NT5C2: variants seen among roughly 807,000 people sequenced by gnomAD.
The protein encoded by NT5C2 is cytosolic purine 5'-nucleotidase.
Under a neutral mutation model 76.1 loss-of-function variants are expected in NT5C2, and 58 were observed. The ratio of observed to expected loss-of-function variants is 0.76; its 90% CI spans 0.62 to 0.95. NT5C2 has a LOEUF of 0.95. Ranked by LOEUF, NT5C2 falls within the 40% of genes least tolerant of loss-of-function variation. The pLI, the probability that NT5C2 is intolerant of heterozygous loss-of-function variation, is 0.00. For missense variants in NT5C2, 478 were observed against 690.3 expected (o/e 0.69, Z 3.45); for synonymous variants, 229 against 237.4 (o/e 0.96, Z 0.32).
chr10:103,171,292 A>T (rs1276949561), intron 3 of NT5C2, among the ~76,000 whole-genome samples: 1 of 152,226 alleles, frequency 6.6e-6, no homozygotes, highest in South Asian at 2.1e-4. Context: ...AAATATTAGT[A>T]TCTATTGAAA....
intron 4 of NT5C2, among the ~76,000 whole-genome samples, chr10:103,108,769 GA>G (rs747512750): frequency 6.6e-6 from 1 of 151,590 alleles, no homozygotes; most frequent in Non-Finnish European, 1.5e-5. Context: ...AATGCCAAAA[GA>G]AAAAAACCAT....
chr10:103,139,299 G>A, intron 4 of NT5C2, 107 bp downstream of exon 4: 1 of 612,242 alleles, frequency 1.6e-6, no homozygotes, highest in East Asian at 3.2e-5. Flanking sequence ...GCTTCTGGCA[G>A]CCAAATACAT....
At chr10:103,135,606 C>T (rs1391345165) in intron 4 of NT5C2, among the ~76,000 whole-genome samples, 2 of 151,518 alleles carry the variant, frequency 1.3e-5, no homozygotes, top group Non-Finnish European at 2.9e-5. Flanking sequence ...GAAACCCCCA[C>T]TGCCCCCCAC....
chr10:103,141,547 A>G (rs2136329268), intron 3 of NT5C2, among the ~76,000 whole-genome samples: 1 of 152,346 alleles, frequency 6.6e-6, no homozygotes, highest in South Asian at 2.1e-4. Context: ...ACAAAAATAT[A>G]CAGATTTGTG....
At chr10:103,181,028 G>T (rs1019289434) in intron 2 of NT5C2, among the ~76,000 whole-genome samples, 157 bp downstream of exon 2, 12 of 152,114 alleles carry the variant, frequency 7.9e-5, no homozygotes, top group African/African-American at 2.9e-4. Flanking sequence ...GGGGTAAGGA[G>T]GTCAAGTACG....
chr10:103,162,772 T>C (rs1160443968), intron 3 of NT5C2, among the ~76,000 whole-genome samples: 2 of 152,176 alleles, frequency 1.3e-5, no homozygotes, highest in African/African-American at 4.8e-5. Context: ...ATTATTCTTA[T>C]TTTTTTCAAC....
At chr10:103,113,289 GAAT>G (rs138404534) in intron 4 of NT5C2, among the ~76,000 whole-genome samples, 6,327 of 151,864 alleles carry the variant, frequency 0.042, 453 homozygotes, top group African/African-American at 0.14. Flanking sequence ...AAAATACTAA[GAAT>G]ATTAGAAGAA....
chr10:103,151,547 G>A (rs1455383239), intron 3 of NT5C2, among the ~76,000 whole-genome samples: 1 of 151,490 alleles, frequency 6.6e-6, no homozygotes, highest in South Asian at 2.1e-4. Context: ...ATATATGTGG[G>A]TCTATGAACT....
intron 4 of NT5C2, among the ~76,000 whole-genome samples, chr10:103,109,379 G>A (rs1268825141): frequency 6.6e-6 from 1 of 152,106 alleles, no homozygotes; most frequent in Non-Finnish European, 1.5e-5. Flanking sequence ...TTTGTTATAA[G>A]TATAACCACT....
chr10:103,124,181 A>G (rs2076243392), intron 4 of NT5C2, among the ~76,000 whole-genome samples: 1 of 151,972 alleles, frequency 6.6e-6, no homozygotes, highest in Non-Finnish European at 1.5e-5. Context: ...TGCATCTATT[A>G]GAAGCATAAT....
intron 4 of NT5C2, among the ~76,000 whole-genome samples, chr10:103,118,702 G>C (rs566444897): frequency 6.6e-6 from 1 of 152,034 alleles, no homozygotes; most frequent in Admixed American, 6.6e-5. Context: ...TAGGGGTTGA[G>C]TCCTTATGAT....
At position 103,108,134 on chromosome 10, in the gene NT5C2, G is replaced by A. The variant is rs151118174; in HGVS notation, c.176-1428C>T. On this transcript the variant is annotated intron_variant, in intron 4 of 18. Coordinates refer to ENST00000404739, the MANE Select transcript of NT5C2 (RefSeq NM_001351169.2). ...CGTGCCACTACACTCCAGCCTTGGC[G>A]ACAGAGTGAGACTGTCTCAAAAAGA... 3.7e-3 allele frequency among the ~76,000 whole-genome samples: 562 copies of A among 152,168 alleles called. 4 individuals are homozygous for A. The highest frequency in any genetic ancestry group is 0.013 in the African/African-American group (540 of 41,498).
intron 3 of NT5C2, among the ~76,000 whole-genome samples, chr10:103,171,968 G>A (rs1239852444): frequency 6.6e-6 from 1 of 152,098 alleles, no homozygotes; most frequent in Non-Finnish European, 1.5e-5. Flanking sequence ...CCAGCACTAT[G>A]GGAGGCCAAG....
intron 3 of NT5C2, among the ~76,000 whole-genome samples, chr10:103,142,957 C>G (rs372878581): frequency 6.7e-6 from 1 of 148,620 alleles, no homozygotes; most frequent in South Asian, 2.1e-4. Flanking sequence ...CCACTGCACT[C>G]CAGCCTGGGC....
At chr10:103,107,242 T>C (rs2071526078) in intron 4 of NT5C2, among the ~76,000 whole-genome samples, 1 of 152,244 alleles carries the variant, frequency 6.6e-6, no homozygotes, top group African/African-American at 2.4e-5. Context: ...TTTGTTCCAC[T>C]TGTTAGATTA....
chr10:103,190,350 T>C (rs1489235392), intron 1 of NT5C2, among the ~76,000 whole-genome samples: 1 of 152,172 alleles, frequency 6.6e-6, no homozygotes, highest in African/African-American at 2.4e-5. Flanking sequence ...CAAACCCTTT[T>C]AGTGAGAACA....
At chr10:103,096,048 T>C (rs1476457527) in intron 11 of NT5C2, 68 bp from the exon 12 acceptor site, 25 of 1,129,152 alleles carry the variant, frequency 2.2e-5, no homozygotes, top group African/African-American at 6.2e-5. Flanking sequence ...CTAAAGAAAT[T>C]ACAAGCTTTT....
intron 3 of NT5C2, among the ~76,000 whole-genome samples, chr10:103,143,702 T>G (rs2133328028): frequency 7.3e-6 from 1 of 137,582 alleles, no homozygotes; most frequent in Middle Eastern, 4.2e-3. Flanking sequence ...ACACCTATAA[T>G]CCCAGCACTT....
chr10:103,164,454 C>T (rs1376250549), intron 3 of NT5C2, among the ~76,000 whole-genome samples: 1 of 151,932 alleles, frequency 6.6e-6, no homozygotes, highest in Non-Finnish European at 1.5e-5. Context: ...GACAGGGTTT[C>T]ACCATGTTGG....
Sources: allele counts gnomAD v4.1 joint callset (sites outside exome capture counted in the v4.1 genomes callset), GRCh38; gene constraint gnomAD v4.1.1; transcripts MANE v1.5; gene names NCBI Gene and HGNC (gene_info 2026-07-23, HGNC 2026-07-21).